Variants in PAPOLG observed in about 807,000 individuals in gnomAD.
The protein encoded by PAPOLG is PAP-gamma.
PAPOLG carries 40 observed loss-of-function variants against 99.0 expected under a neutral mutation model. The ratio of observed to expected loss-of-function variants is 0.40; its 90% CI spans 0.31 to 0.53. The LOEUF (loss-of-function observed/expected upper bound fraction) is 0.53, where lower values mean the gene tolerates loss of function less well. PAPOLG is among the 20% of genes least tolerant of loss of function. PAPOLG has a pLI of 0.41. For synonymous variants in PAPOLG, 310 were observed against 299.3 expected, an observed-to-expected ratio of 1.04 and a Z score of -0.37; for missense variants, 675 against 884.1, an observed-to-expected ratio of 0.76 and a Z score of 3.00.
chr2:60,774,297 G>C (rs572806324), intron 7 of PAPOLG, among the ~76,000 whole-genome samples: 1 of 150,902 alleles, frequency 6.6e-6, no homozygotes, highest in South Asian at 2.1e-4. Context: ...AAAAGCCTTA[G>C]TATTATTATA....
At chr2:60,768,996 GGTATTTA>G in intron 5 of PAPOLG, 106 bp downstream of exon 5, 1 of 827,418 alleles carries the variant, frequency 1.2e-6, no homozygotes, top group Non-Finnish European at 1.8e-6. Flanking sequence ...ACTATTAGGA[GGTATTTA>G]ATAAGAGTAG....
chr2:60,786,983 TG>T lies in PAPOLG; in HGVS notation c.1205del (p.Gly402GlufsTer14). 1 of 1,612,422 alleles carries T rather than the reference TG, an allele frequency of 6.2e-7. No individual in the cohort carries two copies. Among genetic ancestry groups the T allele is most frequent in the Non-Finnish European group, 8.5e-7 (1 of 1,178,614 alleles). The stretch of plus-strand genomic sequence containing the variant: ...TAGAATCTAAAATCCGTGTACTTGT[TG>T]GAAACTTGGAACGGAATGAATTTAT... ...LVESKIRVLV[G>X]NLERNEFITL... is the part of the protein sequence containing the mutation. On this transcript the variant is annotated frameshift_variant, in exon 14 of 22. Coordinates refer to ENST00000238714, the MANE Select transcript of PAPOLG (RefSeq NM_022894.4). LOFTEE classifies it high-confidence loss of function.
At chr2:60,794,881 T>C in intron 20 of PAPOLG, 83 bp from the exon 21 acceptor site, 1 of 1,576,040 alleles carries the variant, frequency 6.3e-7, no homozygotes, top group Non-Finnish European at 8.7e-7. Context: ...TTTCAGGTTT[T>C]CGTTAGGTTT....
intron 21 of PAPOLG, among the ~76,000 whole-genome samples, chr2:60,796,369 C>T (rs2103832229): frequency 6.6e-6 from 1 of 152,050 alleles, no homozygotes; most frequent in South Asian, 2.1e-4. Context: ...GAACTCCTGA[C>T]CTCAAGTGAT....
intron 17 of PAPOLG, 107 bp downstream of exon 17, chr2:60,792,396 A>T (rs999429396): frequency 9.4e-7 from 1 of 1,066,418 alleles, no homozygotes; most frequent in African/African-American, 1.6e-5. Flanking sequence ...TTGTTAAAAG[A>T]TTTCATTTTA....
chr2:60,771,536 A>C lies in PAPOLG; in HGVS notation c.510A>C (p.Ala170=). Residue 170 remains alanine (A), a synonymous_variant, in exon 7 of 22, where the codon GCA becomes GCC. Coordinates refer to ENST00000238714, the MANE Select transcript of PAPOLG (RefSeq NM_022894.4). ...TTCCAAAGATTGATCTAGTCTTTGC[A>C]AGACTGGCAATACAAACCATATCAG... ...FDGIEIDLVF[A]RLAIQTISDN... 6.3e-7 allele frequency: 1 copy of C among 1,593,982 alleles called. No individual in the cohort carries two copies. The highest frequency in any genetic ancestry group is 8.5e-7 in the Non-Finnish European group (1 of 1,174,800).
intron 15 of PAPOLG, among the ~76,000 whole-genome samples, chr2:60,790,772 C>T (rs921130814): frequency 6.6e-6 from 1 of 152,168 alleles, no homozygotes; most frequent in Non-Finnish European, 1.5e-5. Flanking sequence ...GCTTGAATTG[C>T]ACCTTGGATA....
At chr2:60,783,257 C>A in intron 13 of PAPOLG, 48 bp downstream of exon 13, 1 of 1,142,980 alleles carries the variant, frequency 8.7e-7, no homozygotes, top group Non-Finnish European at 1.2e-6. Context: ...GTGATAGTAA[C>A]TTATTTATAT....
At chr2:60,770,423 C>A in intron 5 of PAPOLG, 35 bp from the exon 6 acceptor site, 1 of 1,554,104 alleles carries the variant, frequency 6.4e-7, no homozygotes, top group Non-Finnish European at 8.7e-7. Flanking sequence ...GAAGGGATTA[C>A]ACCTATGTGT....
Position 60,787,534 on chromosome 2 carries a change from T to G in PAPOLG, c.1310T>G (p.Phe437Cys). Residue 437 changes from phenylalanine (F) to cysteine (C), a missense_variant, in exon 15 of 22, where the codon TTC becomes TGC. Transcript: ENST00000238714. ...AGCAACAATTACGTATCAATGTGGT[T>G]CCTTGGGATAATTTTTCGGAGAGTA... The part of the protein sequence containing the change: ...HKDNNYVSMW[F>C]LGIIFRRVEN... The G allele has an allele frequency of 6.2e-7, 1 of 1,614,032 alleles. No individual in the cohort carries two copies. Among genetic ancestry groups the G allele is most frequent in the Non-Finnish European group, 8.5e-7 (1 of 1,179,958 alleles).
chr2:60,786,889 G>C (rs1573248842), intron 13 of PAPOLG, 58 bp from the exon 14 acceptor site: 2 of 1,564,328 alleles, frequency 1.3e-6, no homozygotes, highest in African/African-American at 2.7e-5. Context: ...GTTTACTTGA[G>C]TGTAGCTTTC....
rs1425240504 is a variant in PAPOLG, at chr2:60,761,953, T to A, written c.246+146T>A. On this transcript the variant is annotated intron_variant, in intron 3 of 21. Transcript: ENST00000238714. ...GTAGGAATGAATTGGTCTAGACAGTTGAATTTCTAAGTAGATGAGGATTAC... is the reference window on the plus strand; with the variant it reads ...GTAGGAATGAATTGGTCTAGACAGTAGAATTTCTAAGTAGATGAGGATTAC... 3 of 659,910 alleles carry A rather than the reference T, an allele frequency of 4.5e-6. No individual in the cohort carries two copies. In the African/African-American group the frequency reaches 5.4e-5, roughly 12 times the overall value. 40.9% of individuals were successfully genotyped at this position (659,910 alleles called of 1,614,324 possible).
chr2:60,766,693 AAAC>A (rs1315739906), intron 3 of PAPOLG, among the ~76,000 whole-genome samples: 3 of 151,452 alleles, frequency 2.0e-5, no homozygotes, highest in Admixed American at 2.0e-4. Flanking sequence ...AAAAAAAAAA[AAAC>A]CCAAAAAAAC....
At chr2:60,768,746 A>G in intron 4 of PAPOLG, 35 bp from the exon 5 acceptor site, 1 of 1,478,802 alleles carries the variant, frequency 6.8e-7, no homozygotes, top group Non-Finnish European at 9.1e-7. Flanking sequence ...ATAACACATA[A>G]TATATTCTTA....
intron 17 of PAPOLG, 99 bp from the exon 18 acceptor site, chr2:60,793,528 C>T: frequency 2.2e-6 from 3 of 1,389,652 alleles, no homozygotes; most frequent in Non-Finnish European, 2.0e-6. Context: ...TGTGCCACTG[C>T]ACTCCAACTT....
At chr2:60,769,082 A>G (rs1320844033) in intron 5 of PAPOLG, among the ~76,000 whole-genome samples, 192 bp downstream of exon 5, 1 of 152,208 alleles carries the variant, frequency 6.6e-6, no homozygotes, top group African/African-American at 2.4e-5. Context: ...TTGGGTTGGC[A>G]TCTAGAATCT....
Position 60,787,606 on chromosome 2 carries a change from C to T in PAPOLG, c.1382C>T (p.Ser461Leu). The T allele has an allele frequency of 6.2e-7, 1 of 1,613,494 alleles. No individual in the cohort carries two copies. The highest frequency in any genetic ancestry group is 8.5e-7 in the Non-Finnish European group (1 of 1,179,736). Residue 461 changes from serine (S) to leucine (L), a missense_variant, in exon 15 of 22, where the codon TCA (serine) becomes TTA (leucine). This residue lies in a region of PAPOLG where 413 missense variants were observed against 460.5 expected (regional missense o/e 0.90). Transcript: ENST00000238714. ...ATAGACTTGACATATGATATACAGT[C>T]ATTTACTGATACAGGTAAGACTCCA... ...VNIDLTYDIQ[S>L]FTDTVYRQAN...
intron 15 of PAPOLG, among the ~76,000 whole-genome samples, chr2:60,790,147 T>A (rs1671486457): frequency 6.6e-6 from 1 of 152,122 alleles, no homozygotes; most frequent in Non-Finnish European, 1.5e-5. Flanking sequence ...AACCATTAAA[T>A]CACACTCTGG....
intron 8 of PAPOLG, among the ~76,000 whole-genome samples, chr2:60,778,310 C>T (rs1671083233): frequency 7.8e-6 from 1 of 128,522 alleles, no homozygotes; most frequent in African/African-American, 2.9e-5. Flanking sequence ...CTACACCCGG[C>T]TAATTTTATT....
Sources: allele counts gnomAD v4.1 joint callset (sites outside exome capture counted in the v4.1 genomes callset), GRCh38; gene constraint gnomAD v4.1.1; regional missense constraint gnomAD v4.1.1; transcripts MANE v1.5; gene names NCBI Gene and HGNC (gene_info 2026-07-23, HGNC 2026-07-21).